NKAIN2: variants seen among roughly 807,000 people sequenced by gnomAD.
The protein encoded by NKAIN2 is sodium/potassium transporting ATPase interacting 2, also known as sodium/potassium-transporting ATPase subunit beta-1-interacting protein 2.
A neutral mutation model predicts 32.6 loss-of-function variants in NKAIN2; 14 were observed. The observed-to-expected ratio is 0.43, with a 90% confidence interval of 0.28 to 0.67. NKAIN2 has a LOEUF of 0.67. NKAIN2 is among the 30% of genes least tolerant of loss of function. The pLI is 0.17. For synonymous variants in NKAIN2, 80 were observed against 87.2 expected, an observed-to-expected ratio of 0.92 and a Z score of 0.46; for missense variants, 198 against 258.3, an observed-to-expected ratio of 0.77 and a Z score of 1.60.
chr6:123,984,023 T>C (rs1779023407), intron 1 of NKAIN2, among the ~76,000 whole-genome samples: 1 of 152,136 alleles, frequency 6.6e-6, no homozygotes, highest in Non-Finnish European at 1.5e-5. Context: ...TTCTCCTGCC[T>C]CAGCCTCCCG....
At chr6:124,813,052 T>C (rs1356327522) in intron 5 of NKAIN2, among the ~76,000 whole-genome samples, 5 of 152,068 alleles carry the variant, frequency 3.3e-5, no homozygotes, top group African/African-American at 1.2e-4. Context: ...TTATCAGTCA[T>C]ACAAGATGGG....
At chr6:124,777,283 G>A (rs1183097249) in intron 4 of NKAIN2, among the ~76,000 whole-genome samples, 2 of 152,168 alleles carry the variant, frequency 1.3e-5, no homozygotes, top group African/African-American at 4.8e-5. Flanking sequence ...ATGGATGCCA[G>A]GGAGAATGTA....
At chr6:124,187,874 A>G (rs1789821807) in intron 1 of NKAIN2, among the ~76,000 whole-genome samples, 1 of 151,734 alleles carries the variant, frequency 6.6e-6, no homozygotes, top group Middle Eastern at 3.4e-3. Context: ...ACTATCTTCT[A>G]GATTGTTTTA....
chr6:123,923,488 T>A (rs145175609), intron 1 of NKAIN2, among the ~76,000 whole-genome samples: 34 of 152,092 alleles, frequency 2.2e-4, no homozygotes, highest in Non-Finnish European at 3.4e-4. Context: ...CATCTGACCA[T>A]AATTTGAAAG....
chr6:123,808,221 A>C (rs1773304547), intron 1 of NKAIN2, among the ~76,000 whole-genome samples: 1 of 152,120 alleles, frequency 6.6e-6, no homozygotes, highest in Admixed American at 6.6e-5. Context: ...GGTTTTTCAG[A>C]AGTTTATAAC....
intron 3 of NKAIN2, among the ~76,000 whole-genome samples, chr6:124,622,563 T>G (rs1328989159): frequency 6.6e-6 from 1 of 152,286 alleles, no homozygotes; most frequent in East Asian, 1.9e-4. Context: ...AGAGGGCCAG[T>G]GTGACAGCTT....
chr6:124,226,493 C>T (rs1301004632), intron 1 of NKAIN2, among the ~76,000 whole-genome samples: 1 of 152,024 alleles, frequency 6.6e-6, no homozygotes, highest in African/African-American at 2.4e-5. Flanking sequence ...TGTTGAATCA[C>T]TAACAGCAGA....
At chr6:124,277,247 G>A (rs887022675) in intron 1 of NKAIN2, among the ~76,000 whole-genome samples, 2 of 152,130 alleles carry the variant, frequency 1.3e-5, no homozygotes, top group Non-Finnish European at 2.9e-5. Context: ...ACGAATGTTA[G>A]CAGCAACTTT....
At chr6:123,881,146 C>T (rs1343426278) in intron 1 of NKAIN2, among the ~76,000 whole-genome samples, 7 of 152,176 alleles carry the variant, frequency 4.6e-5, no homozygotes, top group African/African-American at 9.6e-5. Context: ...TTCAGCCTCC[C>T]GAGTAGCTAG....
At chr6:123,821,810 A>G (rs1773935187) in intron 1 of NKAIN2, among the ~76,000 whole-genome samples, 1 of 152,298 alleles carries the variant, frequency 6.6e-6, no homozygotes. Flanking sequence ...GTATGAATAA[A>G]GTGATTTTAG....
intron 3 of NKAIN2, among the ~76,000 whole-genome samples, chr6:124,431,337 A>G (rs999044345): frequency 4.6e-5 from 7 of 152,180 alleles, no homozygotes; most frequent in African/African-American, 1.7e-4. Flanking sequence ...CAGAAAAATG[A>G]CTGAAACTAC....
chr6:124,808,859 T>A (rs1333017212), intron 5 of NKAIN2, among the ~76,000 whole-genome samples: 3 of 152,106 alleles, frequency 2.0e-5, no homozygotes, highest in Non-Finnish European at 4.4e-5. Context: ...GAGAGCCAAA[T>A]CATGAGTGAA....
At chr6:124,576,346 T>C (rs1781333468) in intron 3 of NKAIN2, among the ~76,000 whole-genome samples, 1 of 51,646 alleles carries the variant, frequency 1.9e-5, no homozygotes, top group Non-Finnish European at 8.4e-5. Context: ...ATTTGGCAGA[T>C]TTTTTTGTGA....
intron 1 of NKAIN2, among the ~76,000 whole-genome samples, chr6:123,938,394 G>T (rs1362309097): frequency 3.3e-5 from 3 of 90,198 alleles, no homozygotes; most frequent in Admixed American, 3.0e-4. Flanking sequence ...CATTTGCAAG[G>T]GTTATATATA....
At chr6:123,805,985 A>G (rs548761059) in intron 1 of NKAIN2, among the ~76,000 whole-genome samples, 166 of 152,272 alleles carry the variant, frequency 1.1e-3, no homozygotes, top group African/African-American at 3.8e-3. Flanking sequence ...CAAACTCCTC[A>G]AGAACTTAAT....
intron 4 of NKAIN2, among the ~76,000 whole-genome samples, chr6:124,736,454 T>C (rs937743256): frequency 2.0e-5 from 3 of 151,934 alleles, no homozygotes; most frequent in African/African-American, 4.8e-5. Flanking sequence ...AACAGCTTTA[T>C]ATTAGAATAA....
chr6:124,572,864 G>T (rs1380284036), intron 3 of NKAIN2, among the ~76,000 whole-genome samples: 1 of 151,560 alleles, frequency 6.6e-6, no homozygotes, highest in Non-Finnish European at 1.5e-5. Flanking sequence ...TTTTTGAGAT[G>T]GAGTCTTGCT....
At chr6:124,765,767 A>C (rs2114746370) in intron 4 of NKAIN2, among the ~76,000 whole-genome samples, 1 of 152,290 alleles carries the variant, frequency 6.6e-6, no homozygotes, top group South Asian at 2.1e-4. Flanking sequence ...AGTCCTCCTT[A>C]ATCTCATTAA....
At chr6:124,313,309 A>T (rs1389198261) in intron 2 of NKAIN2, among the ~76,000 whole-genome samples, 2 of 152,154 alleles carry the variant, frequency 1.3e-5, no homozygotes, top group African/African-American at 4.8e-5. Context: ...GTAGGTGGAA[A>T]CATCTTTTTT....
Sources: gnomAD v4.1 joint callset for allele counts (sites outside exome capture counted in the v4.1 genomes callset) on GRCh38, gnomAD v4.1.1 for gene constraint, MANE v1.5 for transcripts, NCBI Gene and HGNC (gene_info 2026-07-23, HGNC 2026-07-21) for gene names.